CELF4: variants seen among roughly 807,000 people sequenced by gnomAD.
CELF4 encodes CUG-BP- and ETR-3-like factor 4.
In CELF4, 18 loss-of-function variants were observed where a neutral mutation model predicts 59.9. The observed-to-expected ratio is 0.30, with a 90% CI of 0.21 to 0.45. The LOEUF is 0.45. CELF4 is among the 20% of genes least tolerant of loss of function. The pLI is 1.00. For missense variants in CELF4, 456 were observed against 689.0 expected (o/e 0.66, Z 3.79); for synonymous variants, 261 against 267.1 (o/e 0.98, Z 0.22).
At chr18:37,423,413 G>A (rs2099592540) in intron 2 of CELF4, among the ~76,000 whole-genome samples, 1 of 152,308 alleles carries the variant, frequency 6.6e-6, no homozygotes, top group East Asian at 1.9e-4. Context: ...GGGATGGGAA[G>A]ACTGCCTGGA....
At chr18:37,404,311 T>G (rs1329053115) in intron 2 of CELF4, among the ~76,000 whole-genome samples, 1 of 152,186 alleles carries the variant, frequency 6.6e-6, no homozygotes, top group Non-Finnish European at 1.5e-5. Context: ...GTGGAGGAGT[T>G]CTCTGGTCTC....
chr18:37,266,781 C>T (rs1471796632), intron 8 of CELF4, among the ~76,000 whole-genome samples, 183 bp from the exon 9 acceptor site: 1 of 152,196 alleles, frequency 6.6e-6, no homozygotes, highest in African/African-American at 2.4e-5. Context: ...CCTTCCCTAG[C>T]CCAGGGCTCT....
intron 1 of CELF4, among the ~76,000 whole-genome samples, chr18:37,529,922 G>A (rs560288033): frequency 1.2e-3 from 179 of 152,300 alleles, no homozygotes; most frequent in African/African-American, 3.9e-3. Context: ...TTGGTCCTGA[G>A]GGGCTACTGT....
intron 1 of CELF4, among the ~76,000 whole-genome samples, chr18:37,514,965 T>G (rs2099948998): frequency 6.6e-6 from 1 of 152,202 alleles, no homozygotes. Context: ...AGAAAATCTT[T>G]TTTTAAAAAA....
chr18:37,389,738 G>C (rs189685776), intron 2 of CELF4, among the ~76,000 whole-genome samples: 1 of 152,162 alleles, frequency 6.6e-6, no homozygotes, highest in Non-Finnish European at 1.5e-5. Flanking sequence ...ACAGGAGTGT[G>C]AGCGTGCACA....
intron 2 of CELF4, among the ~76,000 whole-genome samples, chr18:37,435,223 T>C (rs11660607): frequency 0.23 from 34,622 of 152,138 alleles, 4,776 homozygotes; most frequent in South Asian, 0.39. Context: ...ATTTTTCCAG[T>C]TCTACTTTCT....
intron 1 of CELF4, among the ~76,000 whole-genome samples, chr18:37,504,693 T>C (rs533818989): frequency 2.0e-5 from 3 of 152,308 alleles, no homozygotes; most frequent in East Asian, 3.9e-4. Context: ...AATGAAGCAC[T>C]GCCTCGGGCG....
At chr18:37,278,430 G>A (rs1355487849) in intron 3 of CELF4, among the ~76,000 whole-genome samples, 1 of 152,182 alleles carries the variant, frequency 6.6e-6, no homozygotes, top group Admixed American at 6.5e-5. Context: ...GTGATTCTAA[G>A]GCTTGTCTCT....
At chr18:37,375,179 C>T (rs1459425393) in intron 2 of CELF4, among the ~76,000 whole-genome samples, 1 of 152,190 alleles carries the variant, frequency 6.6e-6, no homozygotes, top group East Asian at 1.9e-4. Flanking sequence ...TCCAAAACCT[C>T]CTTGCCGCAG....
At chr18:37,409,423 C>T (rs1442439309) in intron 2 of CELF4, among the ~76,000 whole-genome samples, 1 of 152,150 alleles carries the variant, frequency 6.6e-6, no homozygotes, top group Non-Finnish European at 1.5e-5. Flanking sequence ...GTTGGGCAGA[C>T]AGTTACTGCA....
At chr18:37,346,077 C>T (rs143224499) in intron 2 of CELF4, among the ~76,000 whole-genome samples, 114 of 152,324 alleles carry the variant, frequency 7.5e-4, no homozygotes, top group Middle Eastern at 6.8e-3. Flanking sequence ...CCTGCTGGTC[C>T]GCCACAGAGG....
At chr18:37,361,975 G>A (rs1047744841) in intron 2 of CELF4, among the ~76,000 whole-genome samples, 5 of 152,152 alleles carry the variant, frequency 3.3e-5, no homozygotes, top group African/African-American at 1.2e-4. Context: ...AGGCCAAGAG[G>A]CTGCTGGAGT....
intron 2 of CELF4, among the ~76,000 whole-genome samples, chr18:37,419,275 T>C (rs1193484108): frequency 6.6e-6 from 1 of 152,216 alleles, no homozygotes; most frequent in Non-Finnish European, 1.5e-5. Flanking sequence ...CTGCATTTCT[T>C]TAAAATAATT....
At chr18:37,269,227 T>G (rs2154342558) in intron 8 of CELF4, among the ~76,000 whole-genome samples, 1 of 152,140 alleles carries the variant, frequency 6.6e-6, no homozygotes, top group South Asian at 2.1e-4. Flanking sequence ...CTCCAGATCA[T>G]TAGAGCCTCA....
intron 2 of CELF4, among the ~76,000 whole-genome samples, chr18:37,347,962 C>A (rs2154552142): frequency 6.6e-6 from 1 of 152,248 alleles, no homozygotes; most frequent in African/African-American, 2.4e-5. Context: ...CAGAAGGGGC[C>A]AACCAGGTGG....
chr18:37,301,480 C>A (rs1235858153), intron 3 of CELF4, among the ~76,000 whole-genome samples: 1 of 152,192 alleles, frequency 6.6e-6, no homozygotes, highest in Non-Finnish European at 1.5e-5. Flanking sequence ...AGGACAGCTA[C>A]CACAAAGTCC....
At chr18:37,427,046 G>GC (rs957421794) in intron 2 of CELF4, among the ~76,000 whole-genome samples, 1 of 151,808 alleles carries the variant, frequency 6.6e-6, no homozygotes, top group Non-Finnish European at 1.5e-5. Context: ...ACGGGGGGGG[G>GC]GGAAGCTGGG....
intron 2 of CELF4, among the ~76,000 whole-genome samples, chr18:37,406,571 A>G (rs1352687095): frequency 6.6e-6 from 1 of 152,158 alleles, no homozygotes; most frequent in African/African-American, 2.4e-5. Context: ...GACAACTTGG[A>G]GGGTGGCCTT....
chr18:37,323,595 C>T (rs961791344), intron 2 of CELF4, among the ~76,000 whole-genome samples: 2 of 152,058 alleles, frequency 1.3e-5, no homozygotes, highest in Admixed American at 6.5e-5. Context: ...AGCATCTCAC[C>T]CTTTCCTAGG....
Sources: gnomAD v4.1 joint callset for allele counts (sites outside exome capture counted in the v4.1 genomes callset) on GRCh38, gnomAD v4.1.1 for gene constraint, MANE v1.5 for transcripts, NCBI Gene and HGNC (gene_info 2026-07-23, HGNC 2026-07-21) for gene names.